The following COL4A4 variants were observed in gnomAD, a reference collection of about 807,000 sequenced individuals.
COL4A4 encodes collagen alpha-4(IV) chain.
Under a neutral mutation model 192.9 loss-of-function variants are expected in COL4A4, and 105 were observed. The observed-to-expected ratio is 0.54, with a 90% CI of 0.46 to 0.64. The LOEUF (loss-of-function observed/expected upper bound fraction) is 0.64, where lower values mean the gene tolerates loss of function less well. COL4A4 is among the 30% of genes least tolerant of loss of function. COL4A4 has a pLI of 0.00. For missense variants in COL4A4, 1,967 were observed against 2,169.3 expected (o/e 0.91, Z 1.85); for synonymous variants, 762 against 769.9 (o/e 0.99, Z 0.17).
the COL4A4 span, chr2:226,996,388 C>T: frequency 6.6e-6 from 1 of 152,230 alleles, no homozygotes. Flanking sequence ...CTTAATTGGC[C>T]ATTGTACCAG....
intron 1 of COL4A4, among the ~76,000 whole-genome samples, chr2:227,154,147 C>A (rs1179289763): frequency 6.6e-6 from 1 of 152,186 alleles, no homozygotes; most frequent in African/African-American, 2.4e-5. Flanking sequence ...GTACATTCAG[C>A]AAATACCATT....
chr2:226,982,144 T>C, the COL4A4 span, among the ~76,000 whole-genome samples: 4 of 152,234 alleles, frequency 2.6e-5, no homozygotes, highest in African/African-American at 9.6e-5. Context: ...TGTGGTAGGG[T>C]TGGGCTGGGA....
intron 1 of COL4A4, among the ~76,000 whole-genome samples, chr2:227,160,037 T>C (rs1455811366): frequency 6.6e-6 from 1 of 152,188 alleles, no homozygotes; most frequent in Non-Finnish European, 1.5e-5. Flanking sequence ...CAGGTAGTTG[T>C]AGAAGACAGA....
At chr2:227,101,803 T>TTA in intron 16 of COL4A4, 62 bp downstream of exon 16, 1 of 1,305,706 alleles carries the variant, frequency 7.7e-7, no homozygotes, top group Non-Finnish European at 1.1e-6. Flanking sequence ...AACTTCTGAA[T>TTA]TATACTAAAT....
At chr2:227,056,218 A>G in intron 29 of COL4A4, 103 bp from the exon 30 acceptor site, 1 of 996,728 alleles carries the variant, frequency 1.0e-6, no homozygotes, top group South Asian at 1.3e-5. Context: ...AAACAACAGT[A>G]AAGCAATATT....
At chr2:227,093,617 C>A (rs1194361124) in intron 20 of COL4A4, among the ~76,000 whole-genome samples, 2 of 151,988 alleles carry the variant, frequency 1.3e-5, no homozygotes, top group East Asian at 3.9e-4. Context: ...CAGCCCCCTG[C>A]CTGCCAAACT....
At chr2:226,989,694 G>C in the COL4A4 span, among the ~76,000 whole-genome samples, 1 of 152,164 alleles carries the variant, frequency 6.6e-6, no homozygotes. Flanking sequence ...TAGTGGACCT[G>C]ATGTTATAGC....
chr2:227,118,573 T>C, intron 7 of COL4A4, 72 bp downstream of exon 7: 2 of 1,133,306 alleles, frequency 1.8e-6, no homozygotes, highest in Non-Finnish European at 2.7e-6. Context: ...GTTTCTTGAA[T>C]ACATCAAGCC....
the COL4A4 span, among the ~76,000 whole-genome samples, chr2:226,979,043 C>T: frequency 6.6e-6 from 1 of 152,112 alleles, no homozygotes; most frequent in African/African-American, 2.4e-5. Flanking sequence ...AAGCAAAGTC[C>T]TATGATAGGC....
At chr2:227,103,893 T>A in intron 13 of COL4A4, 79 bp downstream of exon 13, 1 of 1,070,762 alleles carries the variant, frequency 9.3e-7, no homozygotes, top group East Asian at 2.4e-5. Flanking sequence ...AAGACCTCTA[T>A]ACTTTGCTGC....
chr2:227,066,236 C>T (rs1268953027), intron 25 of COL4A4, among the ~76,000 whole-genome samples: 1 of 152,114 alleles, frequency 6.6e-6, no homozygotes, highest in African/African-American at 2.4e-5. Context: ...AAATCTACAT[C>T]TGATTGGTGT....
intron 4 of COL4A4, among the ~76,000 whole-genome samples, chr2:227,139,762 C>T (rs572251083): frequency 9.8e-5 from 15 of 152,306 alleles, no homozygotes; most frequent in African/African-American, 3.6e-4. Flanking sequence ...TAGCGACAAT[C>T]CAAGAAAGAG....
chr2:227,077,969 G>A lies in COL4A4; in HGVS notation c.1912C>T (p.Pro638Ser), dbSNP rs2059123367. The A allele has an allele frequency of 3.1e-6, 5 of 1,613,656 alleles. No individual in the cohort carries two copies. The highest frequency in any genetic ancestry group is 4.2e-6 in the Non-Finnish European group (5 of 1,180,004). The change falls in exon 25 of 48, where the codon CCA (proline) becomes TCA (serine). Residue 638 changes from proline to serine, a missense_variant. Physicochemically the swap from Pro to Ser is moderately conservative, Grantham distance 74. Coordinates refer to ENST00000396625, the MANE Select transcript of COL4A4 (RefSeq NM_000092.5). ...GPPGLGFPGP[P>S]GERGHPGVPG... ...ACTCCTGGGTGGCCTCGCTCTCCTG[G>A]TGGACCAGGAAATCCCAGTCCTGGG...
At chr2:227,008,474 T>G (rs1962722053) in intron 46 of COL4A4, among the ~76,000 whole-genome samples, 170 bp from the exon 47 acceptor site, 1 of 152,144 alleles carries the variant, frequency 6.6e-6, no homozygotes, top group Admixed American at 6.5e-5. Context: ...CCTGGTCCTG[T>G]GGGCCAGCCC....
At chr2:227,027,106 T>C (rs1265225127) in intron 42 of COL4A4, among the ~76,000 whole-genome samples, 1 of 151,776 alleles carries the variant, frequency 6.6e-6, no homozygotes, top group Non-Finnish European at 1.5e-5. Context: ...ATACAAAAAT[T>C]AGCTAGGCGC....
At chr2:227,027,378 C>T (rs1967114980) in intron 42 of COL4A4, among the ~76,000 whole-genome samples, 1 of 146,954 alleles carries the variant, frequency 6.8e-6, no homozygotes, top group Non-Finnish European at 1.5e-5. Flanking sequence ...ATCACAAGGA[C>T]AAAAAACCAA....
intron 44 of COL4A4, among the ~76,000 whole-genome samples, chr2:227,014,007 T>C (rs560496025): frequency 3.3e-5 from 5 of 152,280 alleles, no homozygotes; most frequent in Non-Finnish European, 4.4e-5. Flanking sequence ...GAGGTTTGAC[T>C]TGATGTTGCA....
intron 25 of COL4A4, 51 bp from the exon 26 acceptor site, chr2:227,062,649 A>C: frequency 8.0e-7 from 1 of 1,248,568 alleles, no homozygotes; most frequent in Non-Finnish European, 1.2e-6. Flanking sequence ...GCCCAGTGCA[A>C]TGTGAGTCTG....
chr2:227,046,478 C>T (rs1404995079), intron 35 of COL4A4, among the ~76,000 whole-genome samples: 1 of 151,904 alleles, frequency 6.6e-6, no homozygotes, highest in Non-Finnish European at 1.5e-5. Context: ...GACATTTGTT[C>T]CATTCAAACA....
Sources: gnomAD v4.1 joint callset for allele counts (sites outside exome capture counted in the v4.1 genomes callset) on GRCh38, gnomAD v4.1.1 for gene constraint, MANE v1.5 for transcripts, NCBI Gene and HGNC (gene_info 2026-07-23, HGNC 2026-07-21) for gene names.